The following WDPCP variants were observed in gnomAD, a reference collection of about 807,000 sequenced individuals.
WDPCP encodes WD repeat-containing and planar cell polarity effector protein fritz homolog.
A neutral mutation model predicts 93.1 loss-of-function variants in WDPCP; 71 were observed. That is an observed-to-expected ratio of 0.76 (90% CI 0.63 to 0.93). The LOEUF is 0.93. WDPCP is among the 40% of genes least tolerant of loss of function. WDPCP has a pLI of 0.00. For missense variants in WDPCP, 844 were observed against 887.4 expected (o/e 0.95, Z 0.62); for synonymous variants, 315 against 315.0 (o/e 1.00, Z 0.00).
At chr2:63,326,586 CAAA>C (rs1386155972) in intron 12 of WDPCP, among the ~76,000 whole-genome samples, 1 of 148,884 alleles carries the variant, frequency 6.7e-6, no homozygotes, top group Non-Finnish European at 1.5e-5. Flanking sequence ...GAGACAAAGT[CAAA>C]GAAGGAAAGA....
At chr2:63,277,535 A>C (rs558248323) in intron 13 of WDPCP, among the ~76,000 whole-genome samples, 12 of 152,346 alleles carry the variant, frequency 7.9e-5, no homozygotes, top group Middle Eastern at 6.8e-3. Flanking sequence ...GACTCCCATA[A>C]ATTTAAGGTA....
chr2:63,347,927 A>G (rs1042134633), intron 12 of WDPCP, among the ~76,000 whole-genome samples: 3 of 152,192 alleles, frequency 2.0e-5, no homozygotes, highest in African/African-American at 7.2e-5. Flanking sequence ...GATGTCAGCT[A>G]TAACTACATT....
intron 1 of WDPCP, among the ~76,000 whole-genome samples, chr2:63,524,193 T>C (rs1277755088): frequency 3.3e-5 from 5 of 152,184 alleles, no homozygotes; most frequent in African/African-American, 7.2e-5. Context: ...CCATAAGCAA[T>C]GTTCAGATTC....
intron 2 of WDPCP, among the ~76,000 whole-genome samples, chr2:63,678,702 G>C (rs1207718004): frequency 1.3e-5 from 2 of 152,234 alleles, no homozygotes; most frequent in Non-Finnish European, 2.9e-5. Context: ...GTGATAGGAT[G>C]AAAGCGATTC....
At chr2:63,212,870 C>T (rs1327953400) in intron 14 of WDPCP, among the ~76,000 whole-genome samples, 1 of 150,958 alleles carries the variant, frequency 6.6e-6, no homozygotes, top group Non-Finnish European at 1.5e-5. Flanking sequence ...TCAAAAGAGA[C>T]AAAGAAGGCA....
intron 17 of WDPCP, among the ~76,000 whole-genome samples, chr2:63,131,549 G>A (rs1313132246): frequency 6.6e-6 from 1 of 151,816 alleles, no homozygotes; most frequent in African/African-American, 2.4e-5. Flanking sequence ...TAGATTTTTT[G>A]TGTGAGTAAT....
chr2:63,721,929 C>A (rs1669421683), intron 2 of WDPCP, among the ~76,000 whole-genome samples: 1 of 152,184 alleles, frequency 6.6e-6, no homozygotes, highest in Non-Finnish European at 1.5e-5. Flanking sequence ...TGGGGTTTCG[C>A]TGTGTTGGCC....
chr2:63,376,847 A>G (rs979054057), intron 12 of WDPCP, among the ~76,000 whole-genome samples: 1 of 151,950 alleles, frequency 6.6e-6, no homozygotes, highest in Non-Finnish European at 1.5e-5. Context: ...CTCAGCTTCT[A>G]AAATTGCTGT....
At chr2:63,250,894 C>T (rs1375455607) in intron 14 of WDPCP, among the ~76,000 whole-genome samples, 1 of 152,088 alleles carries the variant, frequency 6.6e-6, no homozygotes, top group Non-Finnish European at 1.5e-5. Context: ...ATTAGAATTG[C>T]TATAGAGCAC....
At chr2:63,775,751 A>C (rs1670292826) in intron 2 of WDPCP, among the ~76,000 whole-genome samples, 1 of 152,202 alleles carries the variant, frequency 6.6e-6, no homozygotes, top group African/African-American at 2.4e-5. Flanking sequence ...ATAAATACAA[A>C]ATCCTACTAT....
At chr2:63,374,157 A>G (rs11899999) in intron 12 of WDPCP, among the ~76,000 whole-genome samples, 85,329 of 150,960 alleles carry the variant, frequency 0.57, 24,406 homozygotes, top group Admixed American at 0.64. Context: ...CTAGATTTAT[A>G]TATGGATGTC....
At chr2:63,164,755 C>T (rs551760922) in intron 15 of WDPCP, among the ~76,000 whole-genome samples, 9 of 152,222 alleles carry the variant, frequency 5.9e-5, no homozygotes, top group African/African-American at 2.2e-4. Context: ...TAATTTATAA[C>T]AACACAAAGG....
chr2:63,457,950 C>A (rs1200030886), intron 6 of WDPCP, among the ~76,000 whole-genome samples: 2 of 151,668 alleles, frequency 1.3e-5, no homozygotes, highest in Non-Finnish European at 2.9e-5. Flanking sequence ...ATGGTGAAAC[C>A]CCATCTCTAC....
chr2:63,838,099 A>G, the WDPCP span, among the ~76,000 whole-genome samples: 7 of 144,814 alleles, frequency 4.8e-5, no homozygotes, highest in African/African-American at 1.7e-4. Flanking sequence ...TATCTCAAAG[A>G]AAAAAAAAAA....
chr2:63,571,759 T>C, intron 1 of WDPCP: 1 of 388,188 alleles, frequency 2.6e-6, no homozygotes, highest in Non-Finnish European at 5.1e-6. Context: ...TGAACTACAA[T>C]GCTTCAACAT....
At chr2:63,191,871 A>G (rs1412323180) in intron 14 of WDPCP, among the ~76,000 whole-genome samples, 5 of 152,188 alleles carry the variant, frequency 3.3e-5, no homozygotes, top group Non-Finnish European at 7.3e-5. Flanking sequence ...GTGTCCAAAT[A>G]AAGTTTTATT....
At chr2:63,574,522 T>C (rs1325767242) in intron 1 of WDPCP, among the ~76,000 whole-genome samples, 1 of 152,198 alleles carries the variant, frequency 6.6e-6, no homozygotes, top group Non-Finnish European at 1.5e-5. Context: ...GAACATCATT[T>C]TATTCATTTA....
intron 1 of WDPCP, among the ~76,000 whole-genome samples, chr2:63,815,005 C>G (rs1190203981): frequency 6.6e-6 from 1 of 152,144 alleles, no homozygotes; most frequent in East Asian, 1.9e-4. Context: ...TGTATCTATA[C>G]TTTTCTAAAA....
chr2:63,284,685 A>G (rs1216104881), intron 13 of WDPCP, among the ~76,000 whole-genome samples: 1 of 152,208 alleles, frequency 6.6e-6, no homozygotes, highest in Non-Finnish European at 1.5e-5. Flanking sequence ...ATGTTAGACA[A>G]AGGGATGATT....
Sources: allele counts gnomAD v4.1 joint callset (sites outside exome capture counted in the v4.1 genomes callset), GRCh38; gene constraint gnomAD v4.1.1; transcripts MANE v1.5; gene names NCBI Gene and HGNC (gene_info 2026-07-23, HGNC 2026-07-21).